Variants in IBA57 observed in about 807,000 individuals in gnomAD.
IBA57 encodes the protein iron-sulfur cluster assembly factor IBA57, mitochondrial.
A neutral mutation model predicts 20.4 loss-of-function variants in IBA57; 20 were observed. The observed-to-expected ratio is 0.98, with a 90% CI of 0.69 to 1.42. The LOEUF (loss-of-function observed/expected upper bound fraction) is 1.42, where lower values mean the gene tolerates loss of function less well. IBA57 is among the 40% of genes most tolerant of loss of function. The pLI is 0.00. For synonymous variants in IBA57, 310 were observed against 233.9 expected, an observed-to-expected ratio of 1.33 and a Z score of -2.97; for missense variants, 608 against 499.3, an observed-to-expected ratio of 1.22 and a Z score of -2.07.
rs1347158595 is a variant in IBA57, at chr1:228,165,940, C to G, written c.124C>G (p.Pro42Ala). The change falls in exon 1 of 3, where the codon CCA becomes GCA. Residue 42 changes from proline to alanine, a missense_variant. Coordinates refer to ENST00000366711, the MANE Select transcript of IBA57 (RefSeq NM_001010867.4). ...CAGCTCCTGCAGTCCTGGTGGCGAC[C>G]CAACGGCCGGAGCGGCCTGGGCCTG... ...AHSSCSPGGD[P>A]TAGAAWACFR... The G allele has an allele frequency of 6.7e-7, 1 of 1,502,270 alleles. No homozygotes were observed. Among genetic ancestry groups the G allele is most frequent in the East Asian group, 2.7e-5 (1 of 37,038 alleles). The allele number at this position is 1,502,270 out of a possible 1,614,324, so 93.1% of individuals were successfully genotyped here.
Position 228,179,368 on chromosome 1 carries a change from A to G in IBA57, c.*3855A>G, listed in dbSNP as rs924459550. The G allele has an allele frequency of 4.7e-4, 72 of 152,262 alleles. No homozygotes were observed. The highest frequency in any genetic ancestry group is 1.6e-3 in the African/African-American group (67 of 41,466). The allele number at this position is 152,262 out of a possible 1,614,324, so 9.4% of individuals were successfully genotyped here. On this transcript the variant is annotated 3_prime_UTR_variant, in exon 3 of 3. Transcript: ENST00000366711. ...AAATAAAAATAAAATACTCTAAAAA[A>G]TATTCCATGATGTGTTTCCTGAAGA... is the stretch of plus-strand genomic sequence containing the variant.
chr1:228,172,141 T>G (rs1272434408), intron 1 of IBA57: 2 of 16,122 alleles, frequency 1.2e-4, no homozygotes, highest in Non-Finnish European at 8.4e-4. Context: ...TCACAGGAAG[T>G]TGCAAAAAAA....
At position 228,166,132 on chromosome 1, in the gene IBA57, A is replaced by T. The variant is rs1053773776; in HGVS notation, c.316A>T (p.Thr106Ser). The change falls in exon 1 of 3, where the codon ACG becomes TCG. Residue 106 changes from threonine to serine, a missense_variant. Coordinates refer to ENST00000366711, the MANE Select transcript of IBA57 (RefSeq NM_001010867.4). ...CCACTTCCTGAACGTGCAGGGCCGG[A>T]CGCTCTATGACGTCATCTTGTACGG... Reference protein sequence around the residue: ...YAHFLNVQGRTLYDVILYGLQ... With the variant: ...YAHFLNVQGRSLYDVILYGLQ... 6 of 1,521,322 alleles carry T rather than the reference A, an allele frequency of 3.9e-6. No individual in the cohort carries two copies. Among genetic ancestry groups the T allele is most frequent in the East Asian group, 5.2e-5 (2 of 38,832 alleles). The allele number at this position is 1,521,322 out of a possible 1,614,324, so 94.2% of individuals were successfully genotyped here.
At chr1:228,168,987 G>C (rs958220326) in intron 1 of IBA57, among the ~76,000 whole-genome samples, 3 of 152,324 alleles carry the variant, frequency 2.0e-5, no homozygotes, top group Middle Eastern at 3.4e-3. Flanking sequence ...CCCCAGGGGT[G>C]GTGGGTGACA....
chr1:228,166,133 C>G lies in IBA57; in HGVS notation c.317C>G (p.Thr106Arg). The G allele has an allele frequency of 3.9e-6, 6 of 1,522,110 alleles. No individual in the cohort carries two copies. Among genetic ancestry groups the G allele is most frequent in the Non-Finnish European group, 4.4e-6 (5 of 1,136,222 alleles). The allele number at this position is 1,522,110 out of a possible 1,614,324, so 94.3% of individuals were successfully genotyped here. A position where few individuals can be genotyped will look rare whatever the true frequency, so the allele number is the denominator to read the frequency against. Residue 106 changes from threonine (T) to arginine (R), a missense_variant, in exon 1 of 3, where the codon ACG becomes AGG. Thr to Arg is a moderately conservative substitution (Grantham distance 71). Transcript: ENST00000366711. ...CACTTCCTGAACGTGCAGGGCCGGA[C>G]GCTCTATGACGTCATCTTGTACGGG... ...YAHFLNVQGR[T>R]LYDVILYGLQ...
chr1:228,165,851 C>T lies in IBA57; in HGVS notation c.35C>T (p.Pro12Leu), dbSNP rs376539936. ...GCGGCGCTGCTTCGAGGCGCCACTC[C>T]GGGGCGCGGCGGCCCGGTCTGGCGC... ...ATAALLRGAT[P>L]GRGGPVWRWR... Residue 12 changes from proline to leucine, a missense_variant, in exon 1 of 3, where the codon CCG becomes CTG. By Grantham distance (98) the Pro-to-Leu change is moderately conservative. Transcript: ENST00000366711. 1 of 1,307,124 alleles carries T rather than the reference C, an allele frequency of 7.7e-7. No individual in the cohort carries two copies. Among genetic ancestry groups the T allele is most frequent in the East Asian group, 3.1e-5 (1 of 31,970 alleles). The allele number at this position is 1,307,124 out of a possible 1,614,324, so 81.0% of individuals were successfully genotyped here. A position where few individuals can be genotyped will look rare whatever the true frequency, so the allele number is the denominator to read the frequency against.
rs544149390 is a variant in IBA57, at chr1:228,177,298, C to G, written c.*1785C>G. 2 of 152,226 alleles carry G rather than the reference C, an allele frequency of 1.3e-5. No homozygotes were observed. Among genetic ancestry groups the G allele is most frequent in the East Asian group, 3.9e-4 (2 of 5,176 alleles). The allele number at this position is 152,226 out of a possible 1,614,324, so 9.4% of individuals were successfully genotyped here. A position where few individuals can be genotyped will look rare whatever the true frequency, so the allele number is the denominator to read the frequency against. On this transcript the variant is annotated 3_prime_UTR_variant, in exon 3 of 3. Coordinates refer to ENST00000366711, the MANE Select transcript of IBA57 (RefSeq NM_001010867.4). ...TGAGTGCTGCAGCATCTGGGAGCATCCTAGCCTGTCCCGTGGGTGTGGCTG... is the reference window on the plus strand; with the variant it reads ...TGAGTGCTGCAGCATCTGGGAGCATGCTAGCCTGTCCCGTGGGTGTGGCTG...
At chr1:228,171,645 AC>A in intron 1 of IBA57, 1 of 153,576 alleles carries the variant, frequency 6.5e-6, no homozygotes. Context: ...TGACTGATGG[AC>A]CCATGGGGCA....
intron 1 of IBA57, among the ~76,000 whole-genome samples, chr1:228,166,815 G>C (rs1210105689): frequency 6.6e-6 from 1 of 152,152 alleles, no homozygotes; most frequent in African/African-American, 2.4e-5. Context: ...TGAAACCTCC[G>C]CCCGGTGGAG....
In IBA57 at chr1:228,176,068, C is replaced by T; in HGVS notation, c.*555C>T. 1 of 152,998 alleles carries T rather than the reference C, an allele frequency of 6.5e-6. No individual in the cohort carries two copies. Among genetic ancestry groups the T allele is most frequent in the Non-Finnish European group, 1.5e-5 (1 of 68,578 alleles). The allele number at this position is 152,998 out of a possible 1,614,324, so 9.5% of individuals were successfully genotyped here. On this transcript the variant is annotated 3_prime_UTR_variant, in exon 3 of 3. Transcript: ENST00000366711. ...ATGTGGGTGTCTACACATCGAGAAG[C>T]ACACAGGGATGAGCCACTAGGTATC...
Position 228,175,088 on chromosome 1 carries a change from A to G in IBA57, c.680-34A>G, listed in dbSNP as rs202207985. ...CACGGGTGGAGCTGGACGATGTTCA[A>G]TTCTCGCTGGTTTCCCCCCTCCAAT... is the stretch of plus-strand genomic sequence containing the variant. On this transcript the variant is annotated intron_variant, in intron 2 of 2. Transcript: ENST00000366711. 2,166 of 1,594,952 alleles carry G rather than the reference A, an allele frequency of 1.4e-3. 2 individuals are homozygous for G. Among genetic ancestry groups the G allele is most frequent in the Middle Eastern group, 1.8e-3 (11 of 5,962 alleles).
rs1282791179 is a variant in IBA57 at position 228,179,275 on chromosome 1, A to G, written c.*3762A>G. On this transcript the variant is annotated 3_prime_UTR_variant, in exon 3 of 3. Coordinates refer to ENST00000366711, the MANE Select transcript of IBA57 (RefSeq NM_001010867.4). ...AGGATGTTTAATATATTTAAAGAAA[A>G]CAATTTATGCACAGGAAGCAAGAGA... is the stretch of plus-strand genomic sequence containing the variant. 1.3e-5 allele frequency: 2 copies of G among 152,184 alleles called. No homozygotes were observed. The allele number at this position is 152,184 out of a possible 1,614,324, so 9.4% of individuals were successfully genotyped here.
intron 1 of IBA57, among the ~76,000 whole-genome samples, chr1:228,166,521 C>T (rs567553617): frequency 6.6e-6 from 1 of 152,118 alleles, no homozygotes; most frequent in Non-Finnish European, 1.5e-5. Context: ...AGGTGGGCAC[C>T]TCCCAAGTGG....
intron 1 of IBA57, chr1:228,171,207 T>C (rs936257179): frequency 5.9e-5 from 9 of 152,306 alleles, no homozygotes; most frequent in African/African-American, 2.2e-4. Flanking sequence ...TCTGGAAATA[T>C]TTTTGGTTGT....
At chr1:228,174,127 C>A (rs1054396524) in intron 1 of IBA57, among the ~76,000 whole-genome samples, 54 of 151,044 alleles carry the variant, frequency 3.6e-4, no homozygotes, top group African/African-American at 1.3e-3. Context: ...GGGCGTGGCT[C>A]GCTGTGGGCG....
rs2035000276 is a variant in IBA57 at position 228,175,411 on chromosome 1, G to T, written c.969G>T (p.Trp323Cys). The change falls in exon 3 of 3, where the codon TGG (tryptophan) becomes TGT (cysteine). Residue 323 changes from tryptophan to cysteine, a missense_variant. Transcript: ENST00000366711. ...GQGNVGLALL[W>C]SEKIKGPLHI... ...GCAACGTGGGGCTGGCCCTGCTGTG[G>T]TCAGAGAAGATCAAGGGTCCTCTGC... 6.2e-7 allele frequency: 1 copy of T among 1,612,930 alleles called. No homozygotes were observed.
chr1:228,174,919 G>C lies in IBA57; in HGVS notation c.569G>C (p.Arg190Pro). The change falls in exon 2 of 3, where the codon CGA becomes CCA. Residue 190 changes from arginine (R) to proline (P), a missense_variant. Physicochemically the swap from Arg to Pro is moderately radical, Grantham distance 103. Transcript: ENST00000366711. ...GCCGCCATCCTCATCCGCGACCCGCGAACAGCACGCATGGGGTGGCGGCTC... is the reference window on the plus strand; with the variant it reads ...GCCGCCATCCTCATCCGCGACCCGCCAACAGCACGCATGGGGTGGCGGCTC... ...GAAAILIRDP[R>P]TARMGWRLLT... is the part of the protein sequence containing the mutation. 3 of 1,598,790 alleles carry C rather than the reference G, an allele frequency of 1.9e-6. No individual in the cohort carries two copies. Among genetic ancestry groups the C allele is most frequent in the Non-Finnish European group, 2.6e-6 (3 of 1,171,818 alleles).
At position 228,175,414 on chromosome 1, in the gene IBA57, AGAG is replaced by A. The variant is rs1405720224; in HGVS notation, c.973_975del (p.Glu325del). The stretch of plus-strand genomic sequence containing the variant: ...ACGTGGGGCTGGCCCTGCTGTGGTC[AGAG>A]AAGATCAAGGGTCCTCTGCACATCA... On this transcript the variant is annotated inframe_deletion, in exon 3 of 3. Coordinates refer to ENST00000366711, the MANE Select transcript of IBA57 (RefSeq NM_001010867.4). 2 of 1,612,904 alleles carry A rather than the reference AGAG, an allele frequency of 1.2e-6. No homozygotes were observed. Among genetic ancestry groups the A allele is most frequent in the East Asian group, 4.5e-5 (2 of 44,880 alleles).
rs1190990831 is a variant in IBA57, at chr1:228,165,955, G to A, written c.139G>A (p.Ala47Thr). 1.3e-6 allele frequency: 2 copies of A among 1,512,538 alleles called. No individual in the cohort carries two copies. The highest frequency in any genetic ancestry group is 1.2e-5 in the South Asian group (1 of 81,110). 93.7% of individuals were successfully genotyped at this position (1,512,538 alleles called of 1,614,324 possible). A position where few individuals can be genotyped will look rare whatever the true frequency, so the allele number is the denominator to read the frequency against. The change falls in exon 1 of 3, where the codon GCC (alanine) becomes ACC (threonine). Residue 47 changes from alanine (A) to threonine (T), a missense_variant. Physicochemically the swap from Ala to Thr is moderately conservative, Grantham distance 58. Transcript: ENST00000366711. ...SPGGDPTAGA[A>T]WACFRLDGRT... ...TGGTGGCGACCCAACGGCCGGAGCGGCCTGGGCCTGCTTCCGGCTGGACGG... is the reference window on the plus strand; with the variant it reads ...TGGTGGCGACCCAACGGCCGGAGCGACCTGGGCCTGCTTCCGGCTGGACGG...
Sources: gnomAD v4.1 joint callset for allele counts (sites outside exome capture counted in the v4.1 genomes callset) on GRCh38, gnomAD v4.1.1 for gene constraint, MANE v1.5 for transcripts, NCBI Gene and HGNC (gene_info 2026-07-23, HGNC 2026-07-21) for gene names.